The following NCAM2 variants were observed in gnomAD, a reference collection of about 807,000 sequenced individuals.
NCAM2 encodes N-CAM-2.
Under a neutral mutation model 98.1 loss-of-function variants are expected in NCAM2, and 30 were observed. The observed-to-expected ratio is 0.31, with a 90% confidence interval of 0.23 to 0.41. The LOEUF (loss-of-function observed/expected upper bound fraction) is 0.41. Ranked by LOEUF, NCAM2 falls within the 10% of genes least tolerant of loss-of-function variation. The pLI is 1.00. For synonymous variants in NCAM2, 368 were observed against 342.4 expected (o/e 1.07, Z -0.83); for missense variants, 867 against 1,005.8 (o/e 0.86, Z 1.87).
chr21:21,273,304 A>G (rs542508729), intron 1 of NCAM2, among the ~76,000 whole-genome samples: 2 of 151,966 alleles, frequency 1.3e-5, no homozygotes, highest in Non-Finnish European at 2.9e-5. Context: ...TTTGTAGTAC[A>G]GGAAGATAGA....
chr21:21,528,484 A>G (rs1213427603), intron 16 of NCAM2, among the ~76,000 whole-genome samples: 1 of 152,132 alleles, frequency 6.6e-6, no homozygotes, highest in East Asian at 1.9e-4. Context: ...CTCCCTCTCA[A>G]TTTTGCTATG....
intron 2 of NCAM2, among the ~76,000 whole-genome samples, chr21:21,283,420 C>T (rs910472545): frequency 2.0e-5 from 3 of 151,812 alleles, no homozygotes; most frequent in African/African-American, 7.2e-5. Flanking sequence ...AAATCTTCAG[C>T]TTTAATGAAA....
intron 12 of NCAM2, among the ~76,000 whole-genome samples, chr21:21,442,210 G>A (rs995507128): frequency 1.3e-5 from 2 of 151,974 alleles, no homozygotes; most frequent in Non-Finnish European, 2.9e-5. Context: ...GCAATAAGGC[G>A]GAACAGTTCA....
intron 5 of NCAM2, among the ~76,000 whole-genome samples, chr21:21,312,092 A>G (rs1203963827): frequency 6.6e-6 from 1 of 152,100 alleles, no homozygotes; most frequent in Admixed American, 6.5e-5. Context: ...TCTTACAGAT[A>G]AAGTATTCAC....
intron 12 of NCAM2, among the ~76,000 whole-genome samples, chr21:21,442,869 G>T (rs1286852926): frequency 6.6e-6 from 1 of 152,094 alleles, no homozygotes; most frequent in Non-Finnish European, 1.5e-5. Flanking sequence ...TATGTTACTT[G>T]AAATATTTTT....
chr21:21,179,697 G>A (rs139579731), intron 1 of NCAM2, among the ~76,000 whole-genome samples: 25 of 152,218 alleles, frequency 1.6e-4, no homozygotes, highest in African/African-American at 5.5e-4. Flanking sequence ...TAATATATGT[G>A]TCATTTTCAA....
At chr21:21,445,837 A>G (rs1162843565) in intron 12 of NCAM2, among the ~76,000 whole-genome samples, 3 of 151,962 alleles carry the variant, frequency 2.0e-5, no homozygotes, top group Non-Finnish European at 4.4e-5. Context: ...TAAGGTTAGT[A>G]TTGTTATGTG....
chr21:21,148,271 T>A (rs1232653668), intron 1 of NCAM2, among the ~76,000 whole-genome samples: 1 of 152,230 alleles, frequency 6.6e-6, no homozygotes, highest in East Asian at 1.9e-4. Flanking sequence ...TCACAGAGGA[T>A]GTGTACTTAA....
At chr21:21,098,798 A>C (rs770141733) in intron 1 of NCAM2, among the ~76,000 whole-genome samples, 3 of 151,888 alleles carry the variant, frequency 2.0e-5, no homozygotes, top group Non-Finnish European at 4.4e-5. Flanking sequence ...TTAAGTACAT[A>C]TCCTGATGGC....
chr21:21,057,590 T>C (rs1188150155), intron 1 of NCAM2, among the ~76,000 whole-genome samples: 7 of 152,122 alleles, frequency 4.6e-5, no homozygotes, highest in Non-Finnish European at 7.4e-5. Context: ...GATCGTTACT[T>C]GTCATCCTTC....
intron 1 of NCAM2, among the ~76,000 whole-genome samples, chr21:21,237,498 G>A (rs963228217): frequency 9.9e-5 from 15 of 151,852 alleles, no homozygotes; most frequent in African/African-American, 3.4e-4. Flanking sequence ...TGAATTAGGA[G>A]GAAAAAATGT....
intron 1 of NCAM2, among the ~76,000 whole-genome samples, chr21:21,068,679 C>T (rs1286409035): frequency 2.0e-5 from 3 of 152,036 alleles, no homozygotes; most frequent in Admixed American, 6.6e-5. Flanking sequence ...AGGCTGGTCT[C>T]GAACTCTTGA....
chr21:21,317,504 A>G (rs73322713), intron 5 of NCAM2, among the ~76,000 whole-genome samples: 1,993 of 152,136 alleles, frequency 0.013, 44 homozygotes, highest in African/African-American at 0.046. Flanking sequence ...TTTATTATAC[A>G]TTATTTTTCT....
At position 21,340,121 on chromosome 21, in the gene NCAM2, A is replaced by T. The variant is rs540816233; in HGVS notation, c.1044+1587A>T. On this transcript the variant is annotated intron_variant, in intron 8 of 17. Transcript: ENST00000400546. ...ACAATCGTATCTGAAACCATAGAGG[A>T]TTGTTTTTGTTTCAATTTTGCATGT... is the stretch of plus-strand genomic sequence containing the variant. Among the ~76,000 whole-genome samples the T allele has an allele frequency of 2.0e-5, 3 of 151,932 alleles. No homozygotes were observed. The South Asian group carries it at 6.2e-4, about 31-fold the overall frequency.
intron 1 of NCAM2, among the ~76,000 whole-genome samples, chr21:21,123,239 C>CA: frequency 6.6e-6 from 1 of 151,936 alleles, no homozygotes; most frequent in East Asian, 1.9e-4. Flanking sequence ...ACTAAAAATA[C>CA]AAAAAATCAG....
At position 21,373,908 on chromosome 21, in the gene NCAM2, T is replaced by A. The variant is rs778831083; in HGVS notation, c.1090T>A (p.Ser364Thr). ...AGTCAAAGGGCAGCATGGAAGCTCA[T>A]CACTGCATATTAAAGATGTGAAGTT... ...IEVKGQHGSS[S>T]LHIKDVKLSD... The change falls in exon 9 of 18, where the codon TCA becomes ACA. Residue 364 changes from serine to threonine, a missense_variant. By Grantham distance (58) the Ser-to-Thr change is moderately conservative. Transcript: ENST00000400546. The A allele has an allele frequency of 2.3e-5, 37 of 1,610,846 alleles. No individual in the cohort carries two copies. The highest frequency in any genetic ancestry group is 1.3e-4 in the Admixed American group (8 of 59,672).
chr21:21,098,934 G>A (rs973348124), intron 1 of NCAM2, among the ~76,000 whole-genome samples: 1 of 151,936 alleles, frequency 6.6e-6, no homozygotes, highest in East Asian at 1.9e-4. Context: ...CCAGGCACGC[G>A]ATGAGATTGG....
At chr21:21,125,551 ATAC>A (rs374573820) in intron 1 of NCAM2, among the ~76,000 whole-genome samples, 1 of 64,272 alleles carries the variant, frequency 1.6e-5, no homozygotes, top group African/African-American at 4.7e-5. Flanking sequence ...TATTACATAT[ATAC>A]ATATATAATA....
At chr21:21,149,750 T>G (rs1400103923) in intron 1 of NCAM2, among the ~76,000 whole-genome samples, 1 of 152,180 alleles carries the variant, frequency 6.6e-6, no homozygotes, top group Admixed American at 6.5e-5. Flanking sequence ...GATCTCATTA[T>G]TTTTTATGGC....
Sources: allele counts gnomAD v4.1 joint callset (sites outside exome capture counted in the v4.1 genomes callset), GRCh38; gene constraint gnomAD v4.1.1; transcripts MANE v1.5; gene names NCBI Gene and HGNC (gene_info 2026-07-23, HGNC 2026-07-21).